SH2D6: variants seen among roughly 807,000 people sequenced by gnomAD.
SH2D6 encodes SH2 domain containing 6.
A neutral mutation model predicts 30.2 loss-of-function variants in SH2D6; 31 were observed. The ratio of observed to expected loss-of-function variants is 1.03; its 90% CI spans 0.77 to 1.38. SH2D6 has a LOEUF of 1.38. Ranked by LOEUF, SH2D6 falls within the 40% of genes most tolerant of loss-of-function variation. The pLI is 0.00. For synonymous variants in SH2D6, 93 were observed against 104.6 expected (o/e 0.89, Z 0.68); for missense variants, 240 against 266.8 (o/e 0.90, Z 0.70).
chr2:85,419,455 A>G (rs1470540549), intron 2 of SH2D6, among the ~76,000 whole-genome samples: 2 of 152,224 alleles, frequency 1.3e-5, no homozygotes, highest in Non-Finnish European at 2.9e-5. Context: ...CCTGCTCGGT[A>G]GGATGAGCTG....
Position 85,433,109 on chromosome 2 carries a change from A to AT in SH2D6, c.382dup (p.Ser128PhefsTer13). On this transcript the variant is annotated frameshift_variant, in exon 15 of 24. Transcript: ENST00000469800. LOFTEE classifies it high-confidence loss of function. ...TCCTTTTCCTTTCAGAGCAGGGTGC[A>AT]TCGTCCAGAGTGGTGAGCAGCCCCT... is the stretch of plus-strand genomic sequence containing the variant. 1 of 985,928 alleles carries AT rather than the reference A, an allele frequency of 1.0e-6. No individual in the cohort carries two copies. The highest frequency in any genetic ancestry group is 1.2e-6 in the Non-Finnish European group (1 of 829,962). 61.1% of individuals were successfully genotyped at this position (985,928 alleles called of 1,614,324 possible).
At chr2:85,424,731 T>C (rs909752542) in intron 5 of SH2D6, among the ~76,000 whole-genome samples, 2 of 152,184 alleles carry the variant, frequency 1.3e-5, no homozygotes, top group African/African-American at 4.8e-5. Context: ...GTCATGCCAC[T>C]GCACTCTAGC....
chr2:85,428,767 A>G (rs1230413241), intron 7 of SH2D6, 70 bp downstream of exon 7: 1 of 152,206 alleles, frequency 6.6e-6, no homozygotes, highest in Non-Finnish European at 1.5e-5. Flanking sequence ...GCCTGAGCTG[A>G]CTAATACACT....
chr2:85,425,952 T>G (rs1253812169), intron 6 of SH2D6, among the ~76,000 whole-genome samples: 1 of 152,118 alleles, frequency 6.6e-6, no homozygotes, highest in Admixed American at 6.6e-5. Context: ...TGGGAAGGCC[T>G]CACCTGGCTT....
intron 2 of SH2D6, chr2:85,421,361 C>A (rs1015669708): frequency 1.3e-5 from 2 of 152,232 alleles, no homozygotes; most frequent in African/African-American, 4.8e-5. Flanking sequence ...CAGCCGGGAC[C>A]TCGGGGGATT....
chr2:85,434,940 G>A (rs1328769212), intron 19 of SH2D6, 125 bp from the exon 20 acceptor site: 2 of 1,600,728 alleles, frequency 1.2e-6, no homozygotes, highest in African/African-American at 1.3e-5. Context: ...GGGTGCCGGG[G>A]TTTGGGCTCG....
At chr2:85,428,858 C>T (rs1484637207) in intron 7 of SH2D6, among the ~76,000 whole-genome samples, 161 bp downstream of exon 7, 1 of 152,184 alleles carries the variant, frequency 6.6e-6, no homozygotes, top group Non-Finnish European at 1.5e-5. Flanking sequence ...AGGAAACACA[C>T]GTAATGCCTT....
rs1341615208 is a variant in SH2D6, at chr2:85,434,390, G to A, written c.564+20G>A. 1.3e-6 allele frequency: 2 copies of A among 1,550,602 alleles called. No individual in the cohort carries two copies. The highest frequency in any genetic ancestry group is 8.7e-7 in the Non-Finnish European group (1 of 1,146,966). Reference sequence around the variant, plus strand: ...CGGAATGTAAGAGGCTGATGGTCAGGGGAGAAGAGAGGGAGGCAGGGAGGG... The same window carrying A: ...CGGAATGTAAGAGGCTGATGGTCAGAGGAGAAGAGAGGGAGGCAGGGAGGG... On this transcript the variant is annotated intron_variant, in intron 18 of 23. Coordinates refer to ENST00000469800, the MANE Select transcript of SH2D6 (RefSeq NM_001394463.1).
intron 2 of SH2D6, among the ~76,000 whole-genome samples, chr2:85,421,139 G>A (rs1687734760): frequency 6.6e-6 from 1 of 152,244 alleles, no homozygotes; most frequent in African/African-American, 2.4e-5. Context: ...GAAGAAGGAA[G>A]CCTAAGCAGG....
rs2104887202 is a variant in SH2D6, at chr2:85,425,308, G to A, written c.-308G>A. On this transcript the variant is annotated splice_region_variant and 5_prime_UTR_variant, in exon 6 of 24. Transcript: ENST00000469800. ...ACTGTGTTTCACTCTTACTGCCCAGGTTTGAGAGCAATGGCGCGATTTCGG... is the reference window on the plus strand; with the variant it reads ...ACTGTGTTTCACTCTTACTGCCCAGATTTGAGAGCAATGGCGCGATTTCGG... 1 of 134,788 alleles carries A rather than the reference G, an allele frequency of 7.4e-6. No individual in the cohort carries two copies. Among genetic ancestry groups the A allele is most frequent in the South Asian group, 2.3e-4 (1 of 4,360 alleles). The allele number at this position is 134,788 out of a possible 1,614,324, so 8.3% of individuals were successfully genotyped here.
intron 2 of SH2D6, among the ~76,000 whole-genome samples, chr2:85,420,113 T>C (rs1687692731): frequency 6.6e-6 from 1 of 151,954 alleles, no homozygotes; most frequent in Non-Finnish European, 1.5e-5. Context: ...TGTTTGTTTG[T>C]TTGTTTCCTG....
intron 5 of SH2D6, among the ~76,000 whole-genome samples, chr2:85,425,065 C>A (rs1342203947): frequency 2.0e-5 from 3 of 151,760 alleles, no homozygotes; most frequent in African/African-American, 7.3e-5. Context: ...GACTCCATCT[C>A]GAAATAAATA....
chr2:85,434,382 A>T lies in SH2D6; in HGVS notation c.564+12A>T. On this transcript the variant is annotated intron_variant, in intron 18 of 23. Transcript: ENST00000469800. ...AGGAAACTCGGAATGTAAGAGGCTG[A>T]TGGTCAGGGGAGAAGAGAGGGAGGC... 1 of 1,550,252 alleles carries T rather than the reference A, an allele frequency of 6.5e-7. No homozygotes were observed. Among genetic ancestry groups the T allele is most frequent in the Non-Finnish European group, 8.7e-7 (1 of 1,146,722 alleles).
intron 6 of SH2D6, among the ~76,000 whole-genome samples, chr2:85,426,360 G>T (rs1215928765): frequency 6.6e-6 from 1 of 152,154 alleles, no homozygotes; most frequent in Non-Finnish European, 1.5e-5. Flanking sequence ...TATGATGTTG[G>T]CTGTGTTAGG....
chr2:85,435,880 C>G, intron 22 of SH2D6, 56 bp downstream of exon 22: 1 of 1,479,532 alleles, frequency 6.8e-7, no homozygotes, highest in East Asian at 2.4e-5. Context: ...GTACCCCAGG[C>G]CTAGCCAAGA....
At chr2:85,436,036 G>A (rs563709497) in intron 22 of SH2D6, among the ~76,000 whole-genome samples, 10 of 152,324 alleles carry the variant, frequency 6.6e-5, no homozygotes, top group Admixed American at 4.6e-4. Context: ...GCACAGGGTC[G>A]AGGTGGGGCC....
intron 5 of SH2D6, among the ~76,000 whole-genome samples, chr2:85,424,310 C>T (rs577979704): frequency 2.6e-5 from 4 of 152,304 alleles, no homozygotes; most frequent in Non-Finnish European, 4.4e-5. Context: ...CCTGGCCTCC[C>T]GCTCCCTGGC....
chr2:85,435,219 A>C, intron 20 of SH2D6, 96 bp downstream of exon 20: 1 of 1,366,864 alleles, frequency 7.3e-7, no homozygotes, highest in Non-Finnish European at 1.0e-6. Context: ...AGGGTGCACC[A>C]CTGCAAGAAC....
At chr2:85,436,262 G>A (rs1297685781) in intron 22 of SH2D6, among the ~76,000 whole-genome samples, 3 of 152,212 alleles carry the variant, frequency 2.0e-5, no homozygotes, top group Non-Finnish European at 2.9e-5. Context: ...GGCCAGTGGC[G>A]TGCCCATGGG....
Sources: allele counts gnomAD v4.1 joint callset (sites outside exome capture counted in the v4.1 genomes callset), GRCh38; gene constraint gnomAD v4.1.1; transcripts MANE v1.5; gene names NCBI Gene and HGNC (gene_info 2026-07-23, HGNC 2026-07-21).